Variants in CDH13 observed in about 807,000 individuals in gnomAD.
The protein encoded by CDH13 is cadherin-13.
Under a neutral mutation model 63.8 loss-of-function variants are expected in CDH13, and 24 were observed. That is an observed-to-expected ratio of 0.38 (90% CI 0.27 to 0.53). CDH13 has a LOEUF of 0.53. Among genes scored for constraint, CDH13 ranks in the 20% least tolerant of loss-of-function variants. The probability of loss-of-function intolerance (pLI) is 0.85; values close to 1 mark genes in which losing one functional copy is unlikely to be tolerated. For missense variants in CDH13, 1,049 were observed against 903.1 expected (o/e 1.16, Z -2.07); for synonymous variants, 503 against 355.3 (o/e 1.42, Z -4.67).
chr16:82,925,115 C>T (rs1484428358), intron 2 of CDH13, among the ~76,000 whole-genome samples: 1 of 152,098 alleles, frequency 6.6e-6, no homozygotes, highest in Non-Finnish European at 1.5e-5. Context: ...TGCAAGATTC[C>T]CCTAGTTGAG....
chr16:83,079,160 A>G (rs2033061705), intron 3 of CDH13, among the ~76,000 whole-genome samples: 1 of 152,194 alleles, frequency 6.6e-6, no homozygotes, highest in Non-Finnish European at 1.5e-5. Context: ...ATATGTGGCC[A>G]AAAGTTTATA....
At chr16:83,292,461 A>G (rs773942490) in intron 5 of CDH13, among the ~76,000 whole-genome samples, 9 of 151,976 alleles carry the variant, frequency 5.9e-5, no homozygotes, top group Non-Finnish European at 7.4e-5. Context: ...TCCCCCTTTG[A>G]TTGCTTGGGA....
chr16:83,140,147 T>A (rs1396772375), intron 4 of CDH13, among the ~76,000 whole-genome samples: 1 of 152,162 alleles, frequency 6.6e-6, no homozygotes, highest in Non-Finnish European at 1.5e-5. Flanking sequence ...ATCCCATAGG[T>A]CTGGGGTGAC....
At chr16:83,325,147 A>G (rs888145104) in intron 5 of CDH13, among the ~76,000 whole-genome samples, 5 of 152,212 alleles carry the variant, frequency 3.3e-5, no homozygotes, top group Non-Finnish European at 7.3e-5. Flanking sequence ...TTCTTAAGTG[A>G]TTCTTCTTTA....
At chr16:82,872,398 T>C (rs2040371584) in intron 2 of CDH13, among the ~76,000 whole-genome samples, 1 of 152,208 alleles carries the variant, frequency 6.6e-6, no homozygotes, top group Admixed American at 6.5e-5. Flanking sequence ...TTCATTTCTG[T>C]TTTTCTTTAA....
At chr16:83,657,268 T>G (rs1476961740) in intron 8 of CDH13, among the ~76,000 whole-genome samples, 1 of 152,192 alleles carries the variant, frequency 6.6e-6, no homozygotes, top group Non-Finnish European at 1.5e-5. Context: ...GCTACATTGT[T>G]CCTGAGCCAA....
intron 1 of CDH13, among the ~76,000 whole-genome samples, chr16:82,770,957 C>T (rs892611681): frequency 5.3e-5 from 8 of 152,134 alleles, no homozygotes; most frequent in Non-Finnish European, 8.8e-5. Context: ...TCAGGCAATC[C>T]CCCCGCTTCG....
chr16:82,942,651 G>A (rs991148544), intron 2 of CDH13, among the ~76,000 whole-genome samples: 8 of 152,130 alleles, frequency 5.3e-5, no homozygotes, highest in African/African-American at 1.4e-4. Context: ...TGCTGTATGT[G>A]CACTGGCCTG....
intron 10 of CDH13, among the ~76,000 whole-genome samples, chr16:83,718,727 T>A (rs1380082352): frequency 6.6e-6 from 1 of 152,182 alleles, no homozygotes; most frequent in Non-Finnish European, 1.5e-5. Flanking sequence ...CCCACACTCT[T>A]GTTTTTTCAG....
At chr16:82,883,938 C>G (rs1215956264) in intron 2 of CDH13, among the ~76,000 whole-genome samples, 1 of 152,138 alleles carries the variant, frequency 6.6e-6, no homozygotes, top group Non-Finnish European at 1.5e-5. Flanking sequence ...TGTTCATGAG[C>G]AAGTTATTTA....
chr16:82,974,172 C>G (rs1348389321), intron 2 of CDH13, among the ~76,000 whole-genome samples: 2 of 152,186 alleles, frequency 1.3e-5, no homozygotes, highest in East Asian at 1.9e-4. Flanking sequence ...CTCCTGACCT[C>G]AAGTGATGCT....
chr16:83,315,831 C>T (rs1403637585), intron 5 of CDH13, among the ~76,000 whole-genome samples: 1 of 148,530 alleles, frequency 6.7e-6, no homozygotes, highest in East Asian at 2.0e-4. Flanking sequence ...TGCTCATTCA[C>T]CACCAGGATT....
chr16:82,980,075 CTAGTGATGGCAGGGACA>C (rs150485218), intron 2 of CDH13, among the ~76,000 whole-genome samples: 23,104 of 152,108 alleles, frequency 0.15, 2,144 homozygotes, highest in Non-Finnish European at 0.21. Context: ...CCCCCAGGGG[CTAGTGATGGCAGGGACA>C]GTTATCTGCC....
chr16:82,901,380 G>T (rs1481985383), intron 2 of CDH13, among the ~76,000 whole-genome samples: 1 of 147,708 alleles, frequency 6.8e-6, no homozygotes, highest in Non-Finnish European at 1.5e-5. Context: ...GATGATTGGG[G>T]TTCTTGGATA....
intron 6 of CDH13, among the ~76,000 whole-genome samples, chr16:83,478,248 G>A (rs560653420): frequency 7.9e-5 from 12 of 151,770 alleles, no homozygotes; most frequent in East Asian, 1.9e-4. Context: ...GGCAGCTGCC[G>A]CCTGAGGCAG....
intron 3 of CDH13, among the ~76,000 whole-genome samples, chr16:83,078,347 A>T (rs767907914): frequency 4.6e-5 from 7 of 152,074 alleles, no homozygotes; most frequent in Non-Finnish European, 1.5e-5. Flanking sequence ...GGGGACGGGG[A>T]TGATGGTTTG....
At chr16:83,414,899 A>C (rs1346156721) in intron 6 of CDH13, among the ~76,000 whole-genome samples, 1 of 152,152 alleles carries the variant, frequency 6.6e-6, no homozygotes, top group African/African-American at 2.4e-5. Flanking sequence ...AATATCTTCA[A>C]ACTATCTCTT....
chr16:82,721,935 T>G (rs1253356650), intron 1 of CDH13, among the ~76,000 whole-genome samples: 1 of 152,068 alleles, frequency 6.6e-6, no homozygotes, highest in African/African-American at 2.4e-5. Flanking sequence ...TGTGCTTTCC[T>G]GAAATGTAGT....
chr16:82,956,606 T>C (rs1349477317), intron 2 of CDH13, among the ~76,000 whole-genome samples: 1 of 152,194 alleles, frequency 6.6e-6, no homozygotes, highest in Non-Finnish European at 1.5e-5. Context: ...TTTTCTTTAA[T>C]ACAGCAGCGC....
Sources: gnomAD v4.1 joint callset for allele counts (sites outside exome capture counted in the v4.1 genomes callset) on GRCh38, gnomAD v4.1.1 for gene constraint, MANE v1.5 for transcripts, NCBI Gene and HGNC (gene_info 2026-07-23, HGNC 2026-07-21) for gene names.